The following RASGRF2 variants were observed in gnomAD, a reference collection of about 807,000 sequenced individuals.
RASGRF2 encodes ras-specific guanine nucleotide-releasing factor 2.
A neutral mutation model predicts 151.0 loss-of-function variants in RASGRF2; 76 were observed. The ratio of observed to expected loss-of-function variants is 0.50; its 90% confidence interval spans 0.42 to 0.61. The LOEUF (loss-of-function observed/expected upper bound fraction) is 0.61, where lower values mean the gene tolerates loss of function less well. Among genes scored for constraint, RASGRF2 ranks in the 20% least tolerant of loss-of-function variants. The probability of loss-of-function intolerance (pLI) is 0.00; values close to 1 mark genes in which losing one functional copy is unlikely to be tolerated. For synonymous variants in RASGRF2, 504 were observed against 566.5 expected (o/e 0.89, Z 1.57); for missense variants, 1,148 against 1,564.6 (o/e 0.73, Z 4.49).
chr5:81,180,068 T>C, intron 17 of RASGRF2, 107 bp from the exon 18 acceptor site: 1 of 669,120 alleles, frequency 1.5e-6, no homozygotes, highest in Non-Finnish European at 2.8e-6. Flanking sequence ...TGCCAAGAAG[T>C]GTCATCTGTG....
Position 81,009,305 on chromosome 5 carries a change from A to C in RASGRF2, c.289-33572A>C, listed in dbSNP as rs1028574277. ...TAATGAATATCATCATATACTGCCC[A>C]GGTTAGTGAACTTCCCTTATACCCT... On this transcript the variant is annotated intron_variant, in intron 1 of 26. Transcript: ENST00000265080. Among the ~76,000 whole-genome samples the C allele has an allele frequency of 2.6e-5, 4 of 152,356 alleles. No individual in the cohort carries two copies. The South Asian group carries it at 6.2e-4, about 24-fold the overall frequency.
chr5:81,064,003 A>G (rs1275247935), intron 2 of RASGRF2, among the ~76,000 whole-genome samples: 1 of 152,222 alleles, frequency 6.6e-6, no homozygotes, highest in Non-Finnish European at 1.5e-5. Context: ...TTTTTAAAAC[A>G]ATAAACAATT....
At chr5:81,151,385 CTTT>C (rs34158947) in intron 17 of RASGRF2, among the ~76,000 whole-genome samples, 14 of 134,628 alleles carry the variant, frequency 1.0e-4, no homozygotes, top group Admixed American at 3.7e-4. Flanking sequence ...AAACTGGTAC[CTTT>C]TTTTTTTTTT....
At chr5:81,060,711 A>T (rs1227248009) in intron 2 of RASGRF2, among the ~76,000 whole-genome samples, 1 of 152,226 alleles carries the variant, frequency 6.6e-6, no homozygotes, top group Non-Finnish European at 1.5e-5. Context: ...GAAGGAAATC[A>T]TGTTACTTAT....
At chr5:81,109,187 A>G (rs1752929684) in intron 13 of RASGRF2, 109 bp downstream of exon 13, 4 of 1,439,258 alleles carry the variant, frequency 2.8e-6, no homozygotes, top group South Asian at 3.0e-5. Flanking sequence ...CTTGTTGAGA[A>G]TATGTTTCTT....
At chr5:81,031,227 A>T (rs1242420660) in intron 1 of RASGRF2, among the ~76,000 whole-genome samples, 6 of 152,222 alleles carry the variant, frequency 3.9e-5, no homozygotes, top group Admixed American at 3.3e-4. Context: ...CAATGTCAAC[A>T]TTAAACAGAT....
chr5:81,188,704 G>A (rs1481698810), intron 18 of RASGRF2, among the ~76,000 whole-genome samples: 1 of 152,196 alleles, frequency 6.6e-6, no homozygotes, highest in Admixed American at 6.5e-5. Flanking sequence ...GTTTGAGGGA[G>A]AGGAGGTCGA....
At chr5:81,029,642 T>C (rs996915198) in intron 1 of RASGRF2, among the ~76,000 whole-genome samples, 19 of 152,200 alleles carry the variant, frequency 1.2e-4, no homozygotes, top group Non-Finnish European at 2.5e-4. Flanking sequence ...CAAAACCCCA[T>C]CTGCACGTCA....
chr5:80,988,232 G>A (rs1163929018), intron 1 of RASGRF2, among the ~76,000 whole-genome samples: 1 of 151,910 alleles, frequency 6.6e-6, no homozygotes, highest in Middle Eastern at 3.4e-3. Flanking sequence ...TGTATTTTTT[G>A]TAGAGACGAG....
intron 1 of RASGRF2, among the ~76,000 whole-genome samples, chr5:80,963,388 T>C (rs1747624599): frequency 1.3e-5 from 2 of 152,206 alleles, no homozygotes; most frequent in Non-Finnish European, 2.9e-5. Flanking sequence ...GGCAGAGTCA[T>C]TTTTCTTCAC....
chr5:81,036,438 G>T (rs543141586), intron 1 of RASGRF2, among the ~76,000 whole-genome samples: 1 of 151,812 alleles, frequency 6.6e-6, no homozygotes, highest in Non-Finnish European at 1.5e-5. Context: ...TGGAAATATT[G>T]TTTACTGCAT....
At chr5:80,969,852 G>GTTTTTTT (rs1747872731) in intron 1 of RASGRF2, among the ~76,000 whole-genome samples, 1 of 93,610 alleles carries the variant, frequency 1.1e-5, no homozygotes, top group African/African-American at 5.1e-5. Flanking sequence ...TTGAGACAGA[G>GTTTTTTT]TTTTGCTCTT....
At chr5:81,121,391 T>A (rs1753303740) in intron 15 of RASGRF2, among the ~76,000 whole-genome samples, 1 of 152,208 alleles carries the variant, frequency 6.6e-6, no homozygotes, top group South Asian at 2.1e-4. Context: ...GCCATACGTC[T>A]CCCTCACTGC....
In RASGRF2 at chr5:80,969,815, C is replaced by CTTTTTTTTTTTTTTT. The variant is rs10584906; in HGVS notation, c.288+8803_288+8817dup. On this transcript the variant is annotated intron_variant, in intron 1 of 26. Transcript: ENST00000265080. The stretch of plus-strand genomic sequence containing the variant: ...ACAGATGCCAATAATACTTCTTCTT[C>CTTTTTTTTTTTTTTT]TTTTTTTTTTTTTTTTTTTTTTTTT... Among the ~76,000 whole-genome samples the CTTTTTTTTTTTTTTT allele has an allele frequency of 7.8e-5, 6 of 76,940 alleles. 1 individual carries two copies. Among genetic ancestry groups the CTTTTTTTTTTTTTTT allele is most frequent in the African/African-American group, 4.1e-4 (6 of 14,790 alleles). The allele number at this position is 76,940 out of a possible 152,430, so 50.5% of individuals were successfully genotyped here.
intron 12 of RASGRF2, among the ~76,000 whole-genome samples, chr5:81,102,136 C>A (rs926923789): frequency 6.6e-6 from 1 of 152,108 alleles, no homozygotes; most frequent in Admixed American, 6.5e-5. Context: ...AAAGCCATAG[C>A]AGAAAGCTTG....
chr5:81,111,173 G>T (rs1009150228), intron 13 of RASGRF2, among the ~76,000 whole-genome samples: 2 of 152,242 alleles, frequency 1.3e-5, no homozygotes, highest in African/African-American at 4.8e-5. Flanking sequence ...CAGATTCTTA[G>T]CAAGCAATTG....
intron 5 of RASGRF2, 84 bp downstream of exon 5, chr5:81,073,536 T>C: frequency 7.2e-7 from 1 of 1,389,332 alleles, no homozygotes; most frequent in South Asian, 1.5e-5. Flanking sequence ...TTTAAAAGGG[T>C]CTCATAAATT....
chr5:81,183,049 T>C (rs1754953380), intron 18 of RASGRF2: 7 of 383,082 alleles, frequency 1.8e-5, no homozygotes, highest in Non-Finnish European at 2.1e-5. Flanking sequence ...AGGAAGAATA[T>C]AGCATTATTG....
chr5:81,043,705 C>T (rs1750748978), intron 2 of RASGRF2, among the ~76,000 whole-genome samples: 1 of 152,170 alleles, frequency 6.6e-6, no homozygotes, highest in Non-Finnish European at 1.5e-5. Flanking sequence ...CTCCCTAATC[C>T]AGGCTGTTGC....
Sources: allele counts gnomAD v4.1 joint callset (sites outside exome capture counted in the v4.1 genomes callset), GRCh38; gene constraint gnomAD v4.1.1; transcripts MANE v1.5; gene names NCBI Gene and HGNC (gene_info 2026-07-23, HGNC 2026-07-21).